The following RPS6KA2 variants were observed in gnomAD, a reference collection of about 807,000 sequenced individuals.
RPS6KA2 encodes the protein ribosomal protein S6 kinase A2.
In RPS6KA2, 42 loss-of-function variants were observed where a neutral mutation model predicts 91.8. The observed-to-expected ratio is 0.46, with a 90% CI of 0.36 to 0.59. RPS6KA2 has a LOEUF of 0.59. RPS6KA2 is among the 20% of genes least tolerant of loss of function. RPS6KA2 has a pLI of 0.00. For missense variants in RPS6KA2, 798 were observed against 978.5 expected (o/e 0.82, Z 2.46); for synonymous variants, 414 against 393.6 (o/e 1.05, Z -0.61).
chr6:166,831,738 T>C (rs1780186929), intron 2 of RPS6KA2, among the ~76,000 whole-genome samples: 1 of 150,686 alleles, frequency 6.6e-6, no homozygotes. Context: ...TTTTACCACA[T>C]CTACATACAT....
At chr6:166,566,277 A>G (rs565735727) in intron 1 of RPS6KA2, among the ~76,000 whole-genome samples, 1 of 152,318 alleles carries the variant, frequency 6.6e-6, no homozygotes, top group African/African-American at 2.4e-5. Context: ...CCTTGCCAGA[A>G]TATGCCAGAA....
chr6:166,532,204 G>A (rs1020382953), intron 2 of RPS6KA2, among the ~76,000 whole-genome samples: 6 of 152,222 alleles, frequency 3.9e-5, no homozygotes, highest in African/African-American at 1.4e-4. Context: ...CACTATAGAT[G>A]TTCTAGTTCC....
Position 166,448,738 on chromosome 6 carries a change from C to T in RPS6KA2, c.1318G>A (p.Glu440Lys), listed in dbSNP as rs1450913451. The T allele has an allele frequency of 3.1e-6, 5 of 1,612,536 alleles. No individual in the cohort carries two copies. The highest frequency in any genetic ancestry group is 3.4e-6 in the Non-Finnish European group (4 of 1,179,282). ...GCCTGCCTTACCTTCACGGCATACT[C>T]GGTGTCTGTGGCTTTATGCACACAT... The part of the protein sequence containing the change: ...KRCVHKATDT[E>K]YAVKIIDKSK... Residue 440 changes from glutamate (E) to lysine (K), a missense_variant, in exon 14 of 21, where the codon GAG (glutamate) becomes AAG (lysine). Transcript: ENST00000265678. The surrounding 1 kb of genome is among the most constrained non-coding windows in gnomAD (Gnocchi z 4.7).
At chr6:166,586,528 G>A (rs1366048917) in intron 1 of RPS6KA2, 4 of 1,537,702 alleles carry the variant, frequency 2.6e-6, no homozygotes, top group Non-Finnish European at 3.5e-6. Flanking sequence ...TGTTTAGGTT[G>A]TTTAAATCCG....
chr6:166,569,325 G>C (rs1784608666), intron 1 of RPS6KA2, among the ~76,000 whole-genome samples: 5 of 152,208 alleles, frequency 3.3e-5, no homozygotes, highest in Admixed American at 3.3e-4. Flanking sequence ...CCGAGGGCTG[G>C]GCGTCACGTG....
rs1460404355 is a variant in RPS6KA2 at position 166,635,519 on chromosome 6, G to A, written c.124-96735C>T. Among the ~76,000 whole-genome samples, 5 of 152,236 alleles carry A rather than the reference G, an allele frequency of 3.3e-5. No homozygotes were observed. Among genetic ancestry groups the A allele is most frequent in the Admixed American group, 1.3e-4 (2 of 15,288 alleles). On this transcript the variant is annotated intron_variant, in intron 2 of 21. Coordinates refer to the RPS6KA2 transcript ENST00000503859. The surrounding 1 kb of genome is among the most constrained non-coding windows in gnomAD (Gnocchi z 4.8). ...ACACAGGGACAGACAAGGGTGTTCC[G>A]TCAGGGAAGCTCAGGCTAAAGGCCA...
intron 1 of RPS6KA2, among the ~76,000 whole-genome samples, chr6:166,599,426 T>A (rs1405905753): frequency 6.6e-6 from 1 of 152,194 alleles, no homozygotes; most frequent in Non-Finnish European, 1.5e-5. Flanking sequence ...GAAGAAATGA[T>A]GACTGGCAGA....
At chr6:166,517,965 G>A (rs957762174) in intron 3 of RPS6KA2, among the ~76,000 whole-genome samples, 6 of 152,016 alleles carry the variant, frequency 3.9e-5, no homozygotes, top group South Asian at 2.1e-4. Context: ...ATCTCTGTTC[G>A]AGGCTCTTAG....
intron 1 of RPS6KA2, among the ~76,000 whole-genome samples, chr6:166,574,296 T>A (rs4709123): frequency 0.3 from 46,305 of 152,094 alleles, 8,399 homozygotes; most frequent in African/African-American, 0.48. Flanking sequence ...AGGTAGTTTT[T>A]AAGTTCACAT....
chr6:166,814,528 A>G (rs1779714376), intron 2 of RPS6KA2, among the ~76,000 whole-genome samples: 1 of 152,256 alleles, frequency 6.6e-6, no homozygotes, highest in Admixed American at 6.5e-5. Context: ...GCAAAGCTTC[A>G]TCTGTATTTA....
Position 166,410,019 on chromosome 6 carries a change from T to G in RPS6KA2, c.*2743A>C, listed in dbSNP as rs937890157. 2 of 152,174 alleles carry G rather than the reference T, an allele frequency of 1.3e-5. No homozygotes were observed. Among genetic ancestry groups the G allele is most frequent in the Non-Finnish European group, 2.9e-5 (2 of 68,036 alleles). The allele number at this position is 152,174 out of a possible 1,614,324, so 9.4% of individuals were successfully genotyped here. A position where few individuals can be genotyped will look rare whatever the true frequency, so the allele number is the denominator to read the frequency against. ...ATGGAATTCAGCAAAGCTCTCCCAC[T>G]GCAGATTGGGAGAATCAGGTATTTC... On this transcript the variant is annotated 3_prime_UTR_variant, in exon 21 of 21. Coordinates refer to ENST00000265678, the MANE Select transcript of RPS6KA2 (RefSeq NM_021135.6).
chr6:166,473,944 T>G (rs922412896), intron 10 of RPS6KA2, among the ~76,000 whole-genome samples: 1 of 150,984 alleles, frequency 6.6e-6, no homozygotes, highest in Non-Finnish European at 1.5e-5. Context: ...TTAAAGGTTT[T>G]TTTTTTTTTT....
intron 2 of RPS6KA2, among the ~76,000 whole-genome samples, chr6:166,818,421 C>T (rs1779824451): frequency 1.3e-5 from 2 of 152,158 alleles, no homozygotes; most frequent in South Asian, 4.1e-4. Flanking sequence ...AAAGCTGCAT[C>T]GCTGTTGCCA....
intron 2 of RPS6KA2, among the ~76,000 whole-genome samples, chr6:166,836,184 G>A (rs1456919447): frequency 4.6e-5 from 7 of 151,920 alleles, no homozygotes; most frequent in African/African-American, 9.7e-5. Flanking sequence ...GAGAGACATG[G>A]TCCTATAGTT....
chr6:166,778,890 G>T (rs1156785032), intron 2 of RPS6KA2, among the ~76,000 whole-genome samples: 1 of 152,238 alleles, frequency 6.6e-6, no homozygotes, highest in Admixed American at 6.5e-5. Flanking sequence ...GTGAGAGTTG[G>T]AGAAGCAAAA....
chr6:166,550,742 C>T (rs968635702), intron 1 of RPS6KA2, among the ~76,000 whole-genome samples: 3 of 152,096 alleles, frequency 2.0e-5, no homozygotes, highest in East Asian at 1.9e-4. Flanking sequence ...ATGGCTCACG[C>T]CTGTAATCCC....
intron 2 of RPS6KA2, among the ~76,000 whole-genome samples, chr6:166,667,893 C>T (rs1321083974): frequency 2.0e-5 from 3 of 152,160 alleles, no homozygotes; most frequent in South Asian, 4.1e-4. Context: ...ACCCCTGGGC[C>T]CTGAGTGTAC....
intron 7 of RPS6KA2, 113 bp from the exon 8 acceptor site, chr6:166,498,763 GCAGCAGAGCCCTGCT>G: frequency 7.4e-7 from 1 of 1,353,266 alleles, no homozygotes; most frequent in Non-Finnish European, 1.0e-6. Flanking sequence ...CCAGGTGGGC[GCAGCAGAGCCCTGCT>G]CAGCAAAAGC....
At chr6:166,681,549 G>T (rs1788808114) in intron 2 of RPS6KA2, among the ~76,000 whole-genome samples, 1 of 152,018 alleles carries the variant, frequency 6.6e-6, no homozygotes, top group Admixed American at 6.5e-5. Flanking sequence ...CCCCAGGAAG[G>T]CTGAGCTCTC....
Sources: gnomAD v4.1 joint callset for allele counts (sites outside exome capture counted in the v4.1 genomes callset) on GRCh38, gnomAD v4.1.1 for gene constraint, Gnocchi (gnomAD v3.1) non-coding constraint, MANE v1.5 for transcripts, NCBI Gene and HGNC (gene_info 2026-07-23, HGNC 2026-07-21) for gene names.